PXDNL: variants seen among roughly 807,000 people sequenced by gnomAD.
PXDNL encodes the protein peroxidasin like, also known as probable oxidoreductase PXDNL.
PXDNL carries 145 observed loss-of-function variants against 150.8 expected under a neutral mutation model. That is an observed-to-expected ratio of 0.96 (90% CI 0.84 to 1.10). The LOEUF is 1.10. Ranked by LOEUF, PXDNL falls within the 50% of genes least tolerant of loss-of-function variation. PXDNL has a pLI of 0.00. For missense variants in PXDNL, 2,087 were observed against 1,873.9 expected (o/e 1.11, Z -2.10); for synonymous variants, 757 against 725.7 (o/e 1.04, Z -0.69).
chr8:51,543,556 C>CA (rs1402836923), intron 4 of PXDNL, among the ~76,000 whole-genome samples: 1 of 151,172 alleles, frequency 6.6e-6, no homozygotes, highest in African/African-American at 2.4e-5. Flanking sequence ...ACTAAAAATA[C>CA]AAAAAATTTG....
intron 8 of PXDNL, among the ~76,000 whole-genome samples, chr8:51,470,008 A>G (rs949755366): frequency 6.6e-6 from 1 of 152,008 alleles, no homozygotes; most frequent in Non-Finnish European, 1.5e-5. Flanking sequence ...TGAAACTTTT[A>G]TGTCATAAGT....
intron 14 of PXDNL, among the ~76,000 whole-genome samples, chr8:51,415,909 AC>A (rs1209858576): frequency 5.9e-5 from 9 of 152,188 alleles, no homozygotes; most frequent in African/African-American, 1.9e-4. Context: ...TTATAAGAAA[AC>A]AATACTATAA....
chr8:51,349,610 G>A (rs1396670254), intron 19 of PXDNL, among the ~76,000 whole-genome samples: 2 of 152,166 alleles, frequency 1.3e-5, no homozygotes, highest in Non-Finnish European at 2.9e-5. Flanking sequence ...CCTAGTAAAT[G>A]CTTTAATAAA....
intron 1 of PXDNL, among the ~76,000 whole-genome samples, chr8:51,659,166 T>C (rs944956806): frequency 1.2e-4 from 19 of 152,330 alleles, no homozygotes; most frequent in African/African-American, 4.3e-4. Flanking sequence ...CATTGTAATA[T>C]AAATAATATT....
chr8:51,611,375 A>G (rs1640536162), intron 2 of PXDNL, among the ~76,000 whole-genome samples: 1 of 152,206 alleles, frequency 6.6e-6, no homozygotes, highest in Admixed American at 6.5e-5. Context: ...TAGTTTTTTA[A>G]GTGGGATGGT....
intron 2 of PXDNL, among the ~76,000 whole-genome samples, chr8:51,632,227 C>A (rs1814504844): frequency 6.6e-6 from 1 of 152,078 alleles, no homozygotes; most frequent in African/African-American, 2.4e-5. Context: ...ATGGATAGAA[C>A]ATGTAGACAG....
rs1361789335 is a variant in PXDNL, at chr8:51,600,180, T to TCA, written c.237-7483_237-7482insTG. Among the ~76,000 whole-genome samples, 12 of 144,046 alleles carry TCA rather than the reference T, an allele frequency of 8.3e-5. 1 individual carries two copies. Among genetic ancestry groups the TCA allele is most frequent in the African/African-American group, 3.0e-4 (12 of 39,526 alleles). 94.5% of individuals were successfully genotyped at this position (144,046 alleles called of 152,430 possible). A position where few individuals can be genotyped will look rare whatever the true frequency, so the allele number is the denominator to read the frequency against. ...TATCGTTTAGATAATAAATTATACC[T>TCA]TATATAAATTATATCGTTTAGATAA... is the stretch of plus-strand genomic sequence containing the variant. On this transcript the variant is annotated intron_variant, in intron 2 of 22. Transcript: ENST00000356297.
chr8:51,803,776 C>T (rs2129265112), intron 1 of PXDNL, among the ~76,000 whole-genome samples: 1 of 152,300 alleles, frequency 6.6e-6, no homozygotes, highest in African/African-American at 2.4e-5. Flanking sequence ...CCTATGTGGC[C>T]TTTTCCCATT....
chr8:51,367,843 G>A (rs1369154586), intron 19 of PXDNL, among the ~76,000 whole-genome samples: 2 of 152,116 alleles, frequency 1.3e-5, no homozygotes, highest in Non-Finnish European at 2.9e-5. Context: ...CTGTGGATAG[G>A]GCCACAGGGT....
intron 1 of PXDNL, among the ~76,000 whole-genome samples, chr8:51,759,757 T>G (rs1395806181): frequency 6.6e-6 from 1 of 152,268 alleles, no homozygotes; most frequent in Non-Finnish European, 1.5e-5. Context: ...GTTCCCCACC[T>G]GCTCCAGTTT....
chr8:51,372,561 C>G (rs1177827102), intron 18 of PXDNL, among the ~76,000 whole-genome samples: 1 of 151,994 alleles, frequency 6.6e-6, no homozygotes, highest in Non-Finnish European at 1.5e-5. Context: ...ATTTTTATAT[C>G]GTTACTAGAG....
At chr8:51,418,751 C>T (rs17264278) in intron 14 of PXDNL, among the ~76,000 whole-genome samples, 84,720 of 152,110 alleles carry the variant, frequency 0.56, 27,359 homozygotes, top group Non-Finnish European at 0.71. Flanking sequence ...AGTCAGCTAA[C>T]GTAGCCTTAA....
At chr8:51,423,105 A>G (rs1808999822) in intron 14 of PXDNL, among the ~76,000 whole-genome samples, 1 of 152,250 alleles carries the variant, frequency 6.6e-6, no homozygotes, top group Admixed American at 6.5e-5. Context: ...ATGTTGGCCA[A>G]TTATAAATGC....
chr8:51,445,111 G>C (rs868085988), intron 12 of PXDNL, among the ~76,000 whole-genome samples: 3 of 152,120 alleles, frequency 2.0e-5, no homozygotes, highest in South Asian at 2.1e-4. Context: ...GTAGAGACAG[G>C]GTTTCACCAT....
At chr8:51,411,127 T>G (rs1808628736) in intron 16 of PXDNL, 123 bp downstream of exon 16, 1 of 770,712 alleles carries the variant, frequency 1.3e-6, no homozygotes, top group Non-Finnish European at 1.8e-6. Flanking sequence ...GTAAAAGTAG[T>G]GAGTAAATTA....
chr8:51,775,161 CCA>C (rs374463791), intron 1 of PXDNL, among the ~76,000 whole-genome samples: 10 of 152,040 alleles, frequency 6.6e-5, no homozygotes, highest in African/African-American at 2.4e-4. Context: ...ATCTATCCAC[CCA>C]CAAAGGCCAT....
chr8:51,712,259 T>C (rs1242073800), intron 1 of PXDNL, among the ~76,000 whole-genome samples: 1 of 152,128 alleles, frequency 6.6e-6, no homozygotes, highest in African/African-American at 2.4e-5. Flanking sequence ...AGTTTCAACC[T>C]TTAAGACCAA....
At chr8:51,764,330 A>G (rs1238588442) in intron 1 of PXDNL, among the ~76,000 whole-genome samples, 1 of 144,430 alleles carries the variant, frequency 6.9e-6, no homozygotes, top group Non-Finnish European at 1.5e-5. Flanking sequence ...GAACTTTATG[A>G]TTTCTTTCAT....
intron 1 of PXDNL, among the ~76,000 whole-genome samples, chr8:51,695,637 T>G (rs2130870078): frequency 6.6e-6 from 1 of 152,224 alleles, no homozygotes; most frequent in African/African-American, 2.4e-5. Flanking sequence ...AACTGTTCCC[T>G]CCCCAAGTGA....
Sources: gnomAD v4.1 joint callset for allele counts (sites outside exome capture counted in the v4.1 genomes callset) on GRCh38, gnomAD v4.1.1 for gene constraint, MANE v1.5 for transcripts, NCBI Gene and HGNC (gene_info 2026-07-23, HGNC 2026-07-21) for gene names.